R3HDM1: variants seen among roughly 807,000 people sequenced by gnomAD.
The protein encoded by R3HDM1 is R3H domain containing 1.
Under a neutral mutation model 141.1 loss-of-function variants are expected in R3HDM1, and 46 were observed. The observed-to-expected ratio is 0.33, with a 90% CI of 0.26 to 0.42. The LOEUF (loss-of-function observed/expected upper bound fraction) is 0.42, where lower values mean the gene tolerates loss of function less well. R3HDM1 is among the 10% of genes least tolerant of loss of function. The probability of loss-of-function intolerance (pLI) is 1.00; values close to 1 mark genes in which losing one functional copy is unlikely to be tolerated. For synonymous variants in R3HDM1, 435 were observed against 472.9 expected (o/e 0.92, Z 1.04); for missense variants, 1,184 against 1,368.3 (o/e 0.87, Z 2.12).
intron 3 of R3HDM1, among the ~76,000 whole-genome samples, chr2:135,612,049 G>A (rs1419521658): frequency 6.6e-6 from 1 of 152,130 alleles, no homozygotes; most frequent in African/African-American, 2.4e-5. Flanking sequence ...ATTTAACTCT[G>A]TGCTTTATGG....
rs116610856 is a variant in R3HDM1, at chr2:135,724,490, A to T, written c.*198A>T. ...TCACCCCACATGACTAGGAATCCAC[A>T]TCAGAATGATACAGAGTTAGCAGGT... On this transcript the variant is annotated 3_prime_UTR_variant, in exon 27 of 27. Coordinates refer to ENST00000683871, the MANE Select transcript of R3HDM1 (RefSeq NM_001378107.1). 3.9e-6 allele frequency: 2 copies of T among 513,700 alleles called. No homozygotes were observed. Among genetic ancestry groups the T allele is most frequent in the Non-Finnish European group, 6.9e-6 (2 of 291,940 alleles). 31.8% of individuals were successfully genotyped at this position (513,700 alleles called of 1,614,324 possible). A position where few individuals can be genotyped will look rare whatever the true frequency, so the allele number is the denominator to read the frequency against.
At chr2:135,650,636 G>A (rs1456369715) in intron 17 of R3HDM1, 47 of 982,332 alleles carry the variant, frequency 4.8e-5, no homozygotes, top group Non-Finnish European at 5.7e-5. Flanking sequence ...CAGTTCATAG[G>A]TACATTTTTT....
chr2:135,686,676 C>G (rs1484721303), intron 21 of R3HDM1, among the ~76,000 whole-genome samples: 2 of 151,958 alleles, frequency 1.3e-5, no homozygotes, highest in Non-Finnish European at 2.9e-5. Context: ...GAGGTCAAGG[C>G]TATAGTGAGC....
At chr2:135,581,194 A>G in intron 1 of R3HDM1, 1 of 985,372 alleles carries the variant, frequency 1.0e-6, no homozygotes. Context: ...TGCCTATATT[A>G]AGGTAGTAGT....
intron 3 of R3HDM1, 188 bp downstream of exon 3, chr2:135,605,204 A>T (rs937024099): frequency 2.1e-5 from 9 of 422,980 alleles, no homozygotes; most frequent in Admixed American, 8.2e-5. Context: ...GTATCATGTA[A>T]TATACTTCTT....
chr2:135,673,775 C>G (rs1286518819), intron 19 of R3HDM1, among the ~76,000 whole-genome samples: 1 of 152,164 alleles, frequency 6.6e-6, no homozygotes, highest in African/African-American at 2.4e-5. Flanking sequence ...AAAAACCCTT[C>G]ACTGTTAAGG....
chr2:135,719,928 C>T (rs1052150430), intron 24 of R3HDM1, among the ~76,000 whole-genome samples: 2 of 152,100 alleles, frequency 1.3e-5, no homozygotes, highest in African/African-American at 4.8e-5. Flanking sequence ...TCACTGCAAC[C>T]TCCACCTCCA....
chr2:135,583,031 CTG>C (rs1348238335), intron 1 of R3HDM1, among the ~76,000 whole-genome samples: 2 of 152,180 alleles, frequency 1.3e-5, no homozygotes, highest in African/African-American at 2.4e-5. Flanking sequence ...CTTTCTCTCT[CTG>C]TGTGTGTCTC....
chr2:135,695,206 C>T (rs1408708238), intron 21 of R3HDM1, among the ~76,000 whole-genome samples: 4 of 152,150 alleles, frequency 2.6e-5, no homozygotes, highest in Non-Finnish European at 5.9e-5. Flanking sequence ...ACAAGAGTAT[C>T]CAACACCCAA....
chr2:135,564,656 A>G (rs1702397917), intron 1 of R3HDM1, among the ~76,000 whole-genome samples: 1 of 152,212 alleles, frequency 6.6e-6, no homozygotes, highest in South Asian at 2.1e-4. Flanking sequence ...TGCAGAGTAG[A>G]GTGAGATTGG....
In R3HDM1 at chr2:135,605,017, G is replaced by A; in HGVS notation, c.171+1G>A. 1.3e-6 allele frequency: 2 copies of A among 1,575,328 alleles called. No homozygotes were observed. Among genetic ancestry groups the A allele is most frequent in the Non-Finnish European group, 1.7e-6 (2 of 1,153,872 alleles). On this transcript the variant is annotated splice_donor_variant, in intron 3 of 26. Transcript: ENST00000683871. LOFTEE classifies it high-confidence loss of function. ...TATTGAGAACAATATAGATTTGCAG[G>A]TAAACAGGAATTTTTCTCTGGCTAC...
intron 15 of R3HDM1, among the ~76,000 whole-genome samples, chr2:135,644,284 C>T (rs897117537): frequency 6.6e-6 from 1 of 152,164 alleles, no homozygotes; most frequent in Non-Finnish European, 1.5e-5. Context: ...GGGTGGATCA[C>T]GTGAGGTCAG....
chr2:135,613,538 A>C (rs1161031580), intron 3 of R3HDM1, among the ~76,000 whole-genome samples: 1 of 152,124 alleles, frequency 6.6e-6, no homozygotes, highest in Non-Finnish European at 1.5e-5. Context: ...TAAATCCAGC[A>C]GGGTATGGTA....
rs1481488469 is a variant in R3HDM1, at chr2:135,661,280, G to A, written c.2039G>A (p.Cys680Tyr). 2 of 1,613,940 alleles carry A rather than the reference G, an allele frequency of 1.2e-6. No individual in the cohort carries two copies. The highest frequency in any genetic ancestry group is 1.7e-6 in the Non-Finnish European group (2 of 1,179,986). ...IQQPSPQMPA[C>Y]YCAPGHYHSS... ...TATTTATGATCCTAGATGCCAGCCT[G>A]TTATTGCGCTCCAGGCCACTATCAC... Residue 680 changes from cysteine to tyrosine, a missense_variant, in exon 19 of 27, where the codon TGT becomes TAT. This residue lies in a region of R3HDM1 where 563 missense variants were observed against 562.0 expected (regional missense o/e 1.00). Coordinates refer to ENST00000683871, the MANE Select transcript of R3HDM1 (RefSeq NM_001378107.1).
intron 26 of R3HDM1, among the ~76,000 whole-genome samples, chr2:135,723,636 G>T (rs1218972996): frequency 6.6e-6 from 1 of 151,290 alleles, no homozygotes; most frequent in Non-Finnish European, 1.5e-5. Flanking sequence ...AATTAGCTGG[G>T]CATGGTGGCG....
At chr2:135,683,978 A>G (rs989322552) in intron 21 of R3HDM1, among the ~76,000 whole-genome samples, 6 of 152,060 alleles carry the variant, frequency 3.9e-5, no homozygotes, top group Non-Finnish European at 5.9e-5. Flanking sequence ...ACATACATAC[A>G]TACATACATA....
intron 19 of R3HDM1, among the ~76,000 whole-genome samples, chr2:135,663,447 A>AAGCT (rs1391807048): frequency 8.1e-4 from 123 of 152,372 alleles, no homozygotes; most frequent in African/African-American, 2.7e-3. Context: ...TGTTTTATAT[A>AAGCT]GTATCCTCTT....
At position 135,680,255 on chromosome 2, in the gene R3HDM1, G is replaced by A. The variant is rs1375959773; in HGVS notation, c.2390G>A (p.Gly797Glu). The A allele has an allele frequency of 6.2e-7, 1 of 1,613,822 alleles. No homozygotes were observed. Among genetic ancestry groups the A allele is most frequent in the Non-Finnish European group, 8.5e-7 (1 of 1,179,842 alleles). ...ATGTTCCCTAATCAGTCTAATCAAG[G>A]ATCTATGCCCACAACAGGAATGCCT... is the stretch of plus-strand genomic sequence containing the variant. ...PVMFPNQSNQ[G>E]SMPTTGMPVY... Residue 797 changes from glycine to glutamate, a missense_variant, in exon 21 of 27, where the codon GGA (glycine) becomes GAA (glutamate). Physicochemically the swap from Gly to Glu is moderately conservative, Grantham distance 98. Around this residue, in one of 5 missense-constraint regions of R3HDM1, gnomAD observed 563 missense variants for 562.0 expected, o/e 1.00. Transcript: ENST00000683871.
intron 24 of R3HDM1, among the ~76,000 whole-genome samples, chr2:135,719,650 TA>T: frequency 1.3e-5 from 2 of 152,330 alleles, no homozygotes; most frequent in East Asian, 3.9e-4. Context: ...TATACTTTTA[TA>T]TACTTGAAAT....
Sources: gnomAD v4.1 joint callset for allele counts (sites outside exome capture counted in the v4.1 genomes callset) on GRCh38, gnomAD v4.1.1 for gene constraint, gnomAD v4.1.1 regional missense constraint, MANE v1.5 for transcripts, NCBI Gene and HGNC (gene_info 2026-07-23, HGNC 2026-07-21) for gene names.